ARHGEF7: variants seen among roughly 807,000 people sequenced by gnomAD.
ARHGEF7 encodes Rho guanine nucleotide exchange factor 7, also known as PAK-interacting exchange factor beta.
A neutral mutation model predicts 109.8 loss-of-function variants in ARHGEF7; 33 were observed. The observed-to-expected ratio is 0.30, with a 90% CI of 0.23 to 0.40. The LOEUF (loss-of-function observed/expected upper bound fraction) is 0.40. Among genes scored for constraint, ARHGEF7 ranks in the 10% least tolerant of loss-of-function variants. The pLI is 1.00. For synonymous variants in ARHGEF7, 458 were observed against 424.6 expected (o/e 1.08, Z -0.97); for missense variants, 938 against 1,098.5 (o/e 0.85, Z 2.07).
chr13:111,140,599 C>T (rs181470166), intron 1 of ARHGEF7, among the ~76,000 whole-genome samples: 7 of 152,248 alleles, frequency 4.6e-5, no homozygotes, highest in South Asian at 2.1e-4. Context: ...AGCTGGCTGA[C>T]GAGGTCAAGG....
At chr13:111,178,825 C>T (rs1232831323) in intron 2 of ARHGEF7, among the ~76,000 whole-genome samples, 4 of 152,158 alleles carry the variant, frequency 2.6e-5, no homozygotes, top group African/African-American at 7.2e-5. Context: ...TAAGAAATGT[C>T]GGGCCGGTCA....
chr13:111,166,885 T>C (rs2077174719), intron 2 of ARHGEF7, among the ~76,000 whole-genome samples: 1 of 152,176 alleles, frequency 6.6e-6, no homozygotes, highest in Non-Finnish European at 1.5e-5. Context: ...GTCTGTATCA[T>C]GTGGAAGAGT....
In ARHGEF7 at chr13:111,266,884, A is replaced by G; in HGVS notation, c.951-664A>G. ...GTCCTTCAGAAACTCTGAGGTCTGG[A>G]GAGGTGAGCGTGTACCCCGTTAGGC... On this transcript the variant is annotated intron_variant, in intron 8 of 21. Coordinates refer to ENST00000646102, the MANE Select transcript of ARHGEF7 (RefSeq NM_001354046.2). The surrounding 1 kb of genome is among the most constrained non-coding windows in gnomAD (Gnocchi z 4.8). The G allele has an allele frequency of 2.2e-6, 1 of 456,030 alleles. No homozygotes were observed. Among genetic ancestry groups the G allele is most frequent in the South Asian group, 1.5e-5 (1 of 64,558 alleles). The allele number at this position is 456,030 out of a possible 1,614,324, so 28.2% of individuals were successfully genotyped here.
intron 2 of ARHGEF7, among the ~76,000 whole-genome samples, chr13:111,156,792 A>T (rs992621439): frequency 6.6e-6 from 1 of 152,378 alleles, no homozygotes; most frequent in African/African-American, 2.4e-5. Flanking sequence ...TGGGAAATTG[A>T]TAAGAAATGT....
chr13:111,213,692 G>A (rs1178995585), intron 4 of ARHGEF7, among the ~76,000 whole-genome samples: 1 of 152,108 alleles, frequency 6.6e-6, no homozygotes, highest in East Asian at 1.9e-4. Flanking sequence ...GTCCAGACAG[G>A]TAACAAGCTA....
intron 5 of ARHGEF7, among the ~76,000 whole-genome samples, chr13:111,220,533 C>A (rs544940241): frequency 6.6e-6 from 1 of 152,208 alleles, no homozygotes; most frequent in South Asian, 2.1e-4. Flanking sequence ...ATCTCAAAAT[C>A]CTCTCCAGTT....
chr13:111,252,293 A>G (rs2089880792), intron 8 of ARHGEF7, among the ~76,000 whole-genome samples: 1 of 152,232 alleles, frequency 6.6e-6, no homozygotes. Context: ...GAACACATGC[A>G]TAATTAGGGC....
chr13:111,159,400 C>T (rs1474019927), intron 2 of ARHGEF7, among the ~76,000 whole-genome samples: 1 of 152,150 alleles, frequency 6.6e-6, no homozygotes, highest in Non-Finnish European at 1.5e-5. Context: ...GCTATATACC[C>T]AGTAGTGGGA....
At chr13:111,140,261 G>A (rs559850889) in intron 1 of ARHGEF7, among the ~76,000 whole-genome samples, 3 of 152,180 alleles carry the variant, frequency 2.0e-5, no homozygotes, top group Admixed American at 6.5e-5. Context: ...ATTGTATAGT[G>A]CAGGGAGAGA....
At chr13:111,148,756 GACT>G (rs2075742242) in intron 1 of ARHGEF7, among the ~76,000 whole-genome samples, 2 of 152,312 alleles carry the variant, frequency 1.3e-5, no homozygotes, top group Admixed American at 6.5e-5. Context: ...AGAAGTCAAT[GACT>G]TTAACGACTG....
At chr13:111,206,839 G>A (rs1487645276) in intron 3 of ARHGEF7, among the ~76,000 whole-genome samples, 2 of 151,730 alleles carry the variant, frequency 1.3e-5, no homozygotes, top group Non-Finnish European at 1.5e-5. Flanking sequence ...GCGGGCACCT[G>A]TAGTCCCAGC....
intron 19 of ARHGEF7, chr13:111,292,563 G>A: frequency 7.4e-7 from 1 of 1,352,070 alleles, no homozygotes; most frequent in African/African-American, 1.5e-5. Context: ...ATCCGAGGGT[G>A]CTCTTCGTAA....
chr13:111,140,777 T>C (rs189262315), intron 1 of ARHGEF7, among the ~76,000 whole-genome samples: 1 of 152,220 alleles, frequency 6.6e-6, no homozygotes, highest in Admixed American at 6.5e-5. Context: ...AATGTAGCCT[T>C]GAACTCCTGG....
At chr13:111,219,712 TTAATAA>T (rs2083576221) in intron 5 of ARHGEF7, among the ~76,000 whole-genome samples, 1 of 152,180 alleles carries the variant, frequency 6.6e-6, no homozygotes, top group Non-Finnish European at 1.5e-5. Context: ...TTTGTAGTTG[TTAATAA>T]TGATAATTTA....
intron 5 of ARHGEF7, among the ~76,000 whole-genome samples, chr13:111,221,546 C>CGT (rs1566876623): frequency 6.1e-5 from 3 of 49,202 alleles, no homozygotes; most frequent in Admixed American, 5.1e-4. Flanking sequence ...TATATAGATA[C>CGT]ATATCTATAT....
At chr13:111,292,421 G>T in intron 19 of ARHGEF7, 127 bp downstream of exon 19, 1 of 1,491,318 alleles carries the variant, frequency 6.7e-7, no homozygotes, top group Non-Finnish European at 8.9e-7. Context: ...TCTCTTTTAT[G>T]TGATATTTTA....
intron 8 of ARHGEF7, among the ~76,000 whole-genome samples, chr13:111,263,025 C>T (rs2091269361): frequency 6.6e-6 from 1 of 152,304 alleles, no homozygotes; most frequent in Non-Finnish European, 1.5e-5. Context: ...CTATGGAGCA[C>T]AAGAGAGAAC....
At chr13:111,172,441 TC>T (rs1465947276) in intron 2 of ARHGEF7, among the ~76,000 whole-genome samples, 2 of 152,228 alleles carry the variant, frequency 1.3e-5, no homozygotes, top group African/African-American at 4.8e-5. Flanking sequence ...ATTCTCCAGT[TC>T]CAAGTCACGT....
chr13:111,119,081 G>T (rs1192450137), intron 1 of ARHGEF7, among the ~76,000 whole-genome samples: 2 of 152,180 alleles, frequency 1.3e-5, no homozygotes, highest in Non-Finnish European at 2.9e-5. Flanking sequence ...TCTGTCCCAG[G>T]CCACTCTCAG....
Sources: gnomAD v4.1 joint callset for allele counts (sites outside exome capture counted in the v4.1 genomes callset) on GRCh38, gnomAD v4.1.1 for gene constraint, Gnocchi (gnomAD v3.1) non-coding constraint, MANE v1.5 for transcripts, NCBI Gene and HGNC (gene_info 2026-07-23, HGNC 2026-07-21) for gene names.